TMEM266: variants seen among roughly 807,000 people sequenced by gnomAD.
TMEM266 encodes the protein transmembrane protein 266.
In TMEM266, 33 loss-of-function variants were observed where a neutral mutation model predicts 50.5. The observed-to-expected ratio is 0.65, with a 90% CI of 0.50 to 0.87. The LOEUF is 0.87. Among genes scored for constraint, TMEM266 ranks in the 40% least tolerant of loss-of-function variants. The probability of loss-of-function intolerance (pLI) is 0.00; values close to 1 mark genes in which losing one functional copy is unlikely to be tolerated. For synonymous variants in TMEM266, 310 were observed against 292.3 expected, an observed-to-expected ratio of 1.06 and a Z score of -0.62; for missense variants, 655 against 695.1, an observed-to-expected ratio of 0.94 and a Z score of 0.65.
chr15:76,137,680 T>A (rs1180558355), intron 2 of TMEM266, 27 bp from the exon 3 acceptor site: 1 of 1,609,696 alleles, frequency 6.2e-7, no homozygotes, highest in Non-Finnish European at 8.5e-7. Context: ...GATAACTCTT[T>A]CCCATTGTTC....
At chr15:76,070,933 G>A (rs1268039392) in intron 1 of TMEM266, among the ~76,000 whole-genome samples, 16 of 152,180 alleles carry the variant, frequency 1.1e-4, no homozygotes, top group Non-Finnish European at 7.3e-5. Flanking sequence ...CCCAGAAAGA[G>A]GAAAGTGCTC....
At chr15:76,066,843 C>G (rs578101087) in intron 1 of TMEM266, among the ~76,000 whole-genome samples, 3 of 152,108 alleles carry the variant, frequency 2.0e-5, no homozygotes, top group Non-Finnish European at 4.4e-5. Context: ...CATTCTGTAG[C>G]AGAGTTTCTC....
chr15:76,135,034 G>C (rs2037567575), intron 2 of TMEM266, among the ~76,000 whole-genome samples: 1 of 152,194 alleles, frequency 6.6e-6, no homozygotes, highest in Non-Finnish European at 1.5e-5. Flanking sequence ...GGAGGTACAA[G>C]AGCACAGGCA....
At chr15:76,127,919 C>A (rs996638986) in intron 1 of TMEM266, among the ~76,000 whole-genome samples, 1 of 152,130 alleles carries the variant, frequency 6.6e-6, no homozygotes, top group African/African-American at 2.4e-5. Context: ...TCCAGACATA[C>A]TAAATTAGAA....
chr15:76,113,645 C>T (rs2037206979), intron 1 of TMEM266: 1 of 152,364 alleles, frequency 6.6e-6, no homozygotes, highest in South Asian at 2.1e-4. Context: ...CACGGTGGCT[C>T]ACGCCTGTAA....
Position 76,204,655 on chromosome 15 carries a change from C to G in TMEM266, c.*340C>G. ...CCTCTTGCGTTGCCTTCGTTCCTGA[C>G]GCCCACCCTGGACTCTAGGGAACAG... On this transcript the variant is annotated 3_prime_UTR_variant, in exon 11 of 11. Coordinates refer to ENST00000388942, the MANE Select transcript of TMEM266 (RefSeq NM_152335.3). 5.0e-6 allele frequency: 1 copy of G among 198,596 alleles called. No individual in the cohort carries two copies. The highest frequency in any genetic ancestry group is 1.0e-5 in the Non-Finnish European group (1 of 96,746). The allele number at this position is 198,596 out of a possible 1,614,324, so 12.3% of individuals were successfully genotyped here.
chr15:76,195,347 T>G (rs947468920), intron 9 of TMEM266, among the ~76,000 whole-genome samples: 2 of 152,240 alleles, frequency 1.3e-5, no homozygotes, highest in African/African-American at 2.4e-5. Flanking sequence ...TAAGGCTGTC[T>G]GACATCACTT....
intron 1 of TMEM266, among the ~76,000 whole-genome samples, chr15:76,081,841 C>T (rs146760731): frequency 4.6e-5 from 7 of 152,328 alleles, no homozygotes; most frequent in African/African-American, 1.7e-4. Context: ...TATCTGATGG[C>T]ATTATGCAGA....
intron 5 of TMEM266, 28 bp from the exon 6 acceptor site, chr15:76,169,788 T>A: frequency 6.2e-7 from 1 of 1,608,936 alleles, no homozygotes; most frequent in Non-Finnish European, 8.5e-7. Flanking sequence ...ACCTGGAGAA[T>A]AACCACTTTC....
At chr15:76,086,826 C>T (rs1297697441) in intron 1 of TMEM266, among the ~76,000 whole-genome samples, 1 of 150,886 alleles carries the variant, frequency 6.6e-6, no homozygotes, top group African/African-American at 2.4e-5. Context: ...TACTCCTGTG[C>T]AAATGAAGAC....
rs62028659 is a variant in TMEM266, at chr15:76,156,193, T to G, written c.228-411T>G. ...CTGGCCAACATGATGAAACCCCATC[T>G]CTACAAAAATACAAAAATTAGCCGG... On this transcript the variant is annotated intron_variant, in intron 3 of 10. Coordinates refer to ENST00000388942, the MANE Select transcript of TMEM266 (RefSeq NM_152335.3). Among the ~76,000 whole-genome samples the G allele has an allele frequency of 2.8e-3, 424 of 152,182 alleles. 1 individual carries two copies. The highest frequency in any genetic ancestry group is 5.2e-3 in the Non-Finnish European group (353 of 67,986).
At chr15:76,090,491 CAA>C (rs34778511) in intron 1 of TMEM266, among the ~76,000 whole-genome samples, 13 of 74,356 alleles carry the variant, frequency 1.7e-4, no homozygotes, top group African/African-American at 2.3e-4. Context: ...GACTCTGTCT[CAA>C]AAAAAAAAAA....
At chr15:76,172,981 G>A (rs1296535018) in intron 7 of TMEM266, among the ~76,000 whole-genome samples, 1 of 152,116 alleles carries the variant, frequency 6.6e-6, no homozygotes, top group Non-Finnish European at 1.5e-5. Context: ...CAGCTGTCCC[G>A]CCCTTTTCCT....
chr15:76,182,911 C>G (rs2142073495), intron 8 of TMEM266, among the ~76,000 whole-genome samples: 1 of 152,134 alleles, frequency 6.6e-6, no homozygotes, highest in Admixed American at 6.5e-5. Context: ...AGGCATCTGC[C>G]TGAGTCACTG....
chr15:76,192,082 A>G lies in TMEM266; in HGVS notation c.883A>G (p.Lys295Glu), dbSNP rs774022859. 6 of 1,466,698 alleles carry G rather than the reference A, an allele frequency of 4.1e-6. No individual in the cohort carries two copies. The highest frequency in any genetic ancestry group is 3.6e-6 in the Non-Finnish European group (4 of 1,113,564). 90.9% of individuals were successfully genotyped at this position (1,466,698 alleles called of 1,614,324 possible). A position where few individuals can be genotyped will look rare whatever the true frequency, so the allele number is the denominator to read the frequency against. ...GCTCAGCCAGCCGCGCAGCCGCTTC[A>G]AAGTGTTGGAGGCCGGCACGTGGGA... Residue 295 changes from lysine to glutamate, a missense_variant, in exon 9 of 11, where the codon AAA (lysine) becomes GAA (glutamate). Lys to Glu is a moderately conservative substitution (Grantham distance 56). Coordinates refer to ENST00000388942, the MANE Select transcript of TMEM266 (RefSeq NM_152335.3).
chr15:76,089,216 A>G (rs2036815458), intron 1 of TMEM266, among the ~76,000 whole-genome samples: 1 of 150,124 alleles, frequency 6.7e-6, no homozygotes, highest in South Asian at 2.1e-4. Flanking sequence ...TTATTTAGAG[A>G]TGGAGTCTCG....
At chr15:76,173,394 G>A (rs1285065023) in intron 7 of TMEM266, among the ~76,000 whole-genome samples, 1 of 152,144 alleles carries the variant, frequency 6.6e-6, no homozygotes, top group Non-Finnish European at 1.5e-5. Context: ...AGTGTGAGGA[G>A]AAAGGCTGTG....
At chr15:76,086,087 CT>C (rs1191074731) in intron 1 of TMEM266, among the ~76,000 whole-genome samples, 38 of 151,140 alleles carry the variant, frequency 2.5e-4, no homozygotes, top group Admixed American at 2.5e-3. Context: ...TCCATAACAA[CT>C]TTTTTATAAG....
chr15:76,197,099 G>C (rs893630570), intron 9 of TMEM266, among the ~76,000 whole-genome samples: 109 of 152,338 alleles, frequency 7.2e-4, no homozygotes, highest in African/African-American at 2.6e-3. Flanking sequence ...CTCTGTGCCA[G>C]CCTCTGCCAG....
Sources: allele counts gnomAD v4.1 joint callset (sites outside exome capture counted in the v4.1 genomes callset), GRCh38; gene constraint gnomAD v4.1.1; transcripts MANE v1.5; gene names NCBI Gene and HGNC (gene_info 2026-07-23, HGNC 2026-07-21).